The following IL6ST variants were observed in gnomAD, a reference collection of about 807,000 sequenced individuals.
The protein encoded by IL6ST is interleukin 6 cytokine family signal transducer, also known as interleukin-6 receptor subunit beta.
Under a neutral mutation model 91.3 loss-of-function variants are expected in IL6ST, and 24 were observed. That is an observed-to-expected ratio of 0.26 (90% CI 0.19 to 0.37). The LOEUF is 0.37. Among genes scored for constraint, IL6ST ranks in the 10% least tolerant of loss-of-function variants. The pLI, the probability that IL6ST is intolerant of heterozygous loss-of-function variation, is 1.00. For synonymous variants in IL6ST, 351 were observed against 373.6 expected (o/e 0.94, Z 0.70); for missense variants, 914 against 1,078.5 (o/e 0.85, Z 2.14).
Position 55,952,004 on chromosome 5 carries a change from G to T in IL6ST, c.1624C>A (p.Leu542Ile), listed in dbSNP as rs1751663366. 1 of 1,599,178 alleles carries T rather than the reference G, an allele frequency of 6.3e-7. No homozygotes were observed. The highest frequency in any genetic ancestry group is 8.6e-7 in the Non-Finnish European group (1 of 1,166,646). The change falls in exon 13 of 17, where the codon CTT becomes ATT. Residue 542 changes from leucine (L) to isoleucine (I), a missense_variant. By Grantham distance (5) the Leu-to-Ile change is conservative. Transcript: ENST00000381298. ...AATCCATTCTGAACATCAACAGGAA[G>T]TTGGTCCCACTCTAAGACAGCTTCG... ...KNEAVLEWDQLPVDVQNGFIR... is the reference protein window; with the variant it reads ...KNEAVLEWDQIPVDVQNGFIR...
chr5:55,963,524 T>C lies in IL6ST; in HGVS notation c.659-18A>G, dbSNP rs1752459286. On this transcript the variant is annotated intron_variant, in intron 6 of 16. Coordinates refer to ENST00000381298, the MANE Select transcript of IL6ST (RefSeq NM_002184.4). ...GGGCTTCACTGAAAAATAAAATAAA[T>C]CCTAAGGTTTATTATGTTTTCCAAT... 6.3e-7 allele frequency: 1 copy of C among 1,578,534 alleles called. No homozygotes were observed. Among genetic ancestry groups the C allele is most frequent in the Non-Finnish European group, 8.7e-7 (1 of 1,155,424 alleles).
At position 55,940,614 on chromosome 5, in the gene IL6ST, TTTAAG is replaced by T. The variant is rs1439599825; in HGVS notation, c.*463_*467del. ...TGTAGTTATGGCCTATGGACCTCTT[TTTAAG>T]TTATTTTAGCAGAAGTAGATGATGG... On this transcript the variant is annotated 3_prime_UTR_variant, in exon 17 of 17. Coordinates refer to ENST00000381298, the MANE Select transcript of IL6ST (RefSeq NM_002184.4). The T allele has an allele frequency of 1.4e-5, 3 of 216,336 alleles. No homozygotes were observed. Among genetic ancestry groups the T allele is most frequent in the Non-Finnish European group, 2.8e-5 (3 of 107,484 alleles). 13.4% of individuals were successfully genotyped at this position (216,336 alleles called of 1,614,324 possible). A position where few individuals can be genotyped will look rare whatever the true frequency, so the allele number is the denominator to read the frequency against.
In IL6ST at chr5:55,951,607, G is replaced by A; in HGVS notation, c.1700-3C>T. On this transcript the variant is annotated splice_polypyrimidine_tract_variant and splice_region_variant and intron_variant, in intron 13 of 16. Transcript: ENST00000381298. ...GTGGGAAGAATCCACATTCACAGCT[G>A]GAAGAAATAAGAACTGTGCTTCATT... 1 of 1,607,876 alleles carries A rather than the reference G, an allele frequency of 6.2e-7. No individual in the cohort carries two copies. The highest frequency in any genetic ancestry group is 8.5e-7 in the Non-Finnish European group (1 of 1,178,158).
Position 55,941,247 on chromosome 5 carries a change from T to C in IL6ST, c.2592A>G (p.Gln864=), listed in dbSNP as rs1426699506. The change falls in exon 17 of 17, where the codon CAA becomes CAG. Residue 864 remains glutamine (Q), a synonymous_variant. Transcript: ENST00000381298. The part of the protein sequence containing the change: ...DHISQSCGSG[Q]MKMFQEVSAA... ...CAGAAACTTCCTGAAACATTTTCAT[T>C]TGCCCAGATCCACAGGATTGTGAAA... The C allele has an allele frequency of 6.2e-7, 1 of 1,614,070 alleles. No individual in the cohort carries two copies. The highest frequency in any genetic ancestry group is 8.5e-7 in the Non-Finnish European group (1 of 1,180,010).
intron 1 of IL6ST, among the ~76,000 whole-genome samples, chr5:55,989,854 A>G (rs1754210414): frequency 6.6e-6 from 1 of 152,126 alleles, no homozygotes; most frequent in Non-Finnish European, 1.5e-5. Context: ...CTTTGACTCT[A>G]ATTGTCAAGT....
At chr5:55,992,196 T>C (rs1754372368) in intron 1 of IL6ST, among the ~76,000 whole-genome samples, 1 of 152,252 alleles carries the variant, frequency 6.6e-6, no homozygotes, top group Admixed American at 6.5e-5. Flanking sequence ...CACTGCACAG[T>C]AATTGTTTCA....
rs1752842322 is a variant in IL6ST, at chr5:55,969,627, T to C, written c.293A>G (p.Asn98Ser). 3 of 1,612,168 alleles carry C rather than the reference T, an allele frequency of 1.9e-6. No homozygotes were observed. Among genetic ancestry groups the C allele is most frequent in the South Asian group, 1.1e-5 (1 of 91,042 alleles). Residue 98 changes from asparagine (N) to serine (S), a missense_variant, in exon 4 of 17, where the codon AAT (asparagine) becomes AGT (serine). By Grantham distance (46) the Asn-to-Ser change is conservative. Transcript: ENST00000381298. ...SVTFTDIASL[N>S]IQLTCNILTF... ...AAGAATGTTGCAAGTGAGCTGAATA[T>C]TTAATGAAGCTATATCTGTAAAGGT...
chr5:55,986,335 C>A (rs1274592256), intron 1 of IL6ST, among the ~76,000 whole-genome samples: 1 of 152,194 alleles, frequency 6.6e-6, no homozygotes, highest in Non-Finnish European at 1.5e-5. Flanking sequence ...AGGAAATGCC[C>A]TTCTTTACCA....
chr5:55,953,491 G>C (rs1305743112), intron 11 of IL6ST, among the ~76,000 whole-genome samples: 1 of 152,178 alleles, frequency 6.6e-6, no homozygotes, highest in Non-Finnish European at 1.5e-5. Context: ...CCGGGTTCAA[G>C]AGATTCTCCA....
At chr5:55,941,875 T>A (rs1012787180) in intron 16 of IL6ST, 56 bp from the exon 17 acceptor site, 6 of 1,459,012 alleles carry the variant, frequency 4.1e-6, no homozygotes, top group South Asian at 1.3e-5. Flanking sequence ...ACAGAGCTAA[T>A]GCATCTCTGA....
At chr5:55,964,386 A>AG (rs1752518353) in intron 5 of IL6ST, 74 bp from the exon 6 acceptor site, 13 of 1,074,530 alleles carry the variant, frequency 1.2e-5, no homozygotes, top group Non-Finnish European at 8.3e-6. Context: ...AATTACTTGC[A>AG]AAGAGTTTGA....
intron 3 of IL6ST, among the ~76,000 whole-genome samples, chr5:55,975,659 T>C (rs1753246203): frequency 6.6e-6 from 1 of 152,154 alleles, no homozygotes; most frequent in South Asian, 2.1e-4. Context: ...TGAGCCACCA[T>C]GTCCAGCCAG....
chr5:55,950,295 G>C (rs1171391292), intron 14 of IL6ST: 14 of 425,100 alleles, frequency 3.3e-5, no homozygotes, highest in South Asian at 2.3e-4. Context: ...CCAGCACTTT[G>C]GGAGGCCGAG....
intron 14 of IL6ST, among the ~76,000 whole-genome samples, chr5:55,950,535 CAAAA>C (rs70995750): frequency 7.8e-4 from 23 of 29,366 alleles, no homozygotes; most frequent in Admixed American, 1.9e-3. Context: ...GACTCTGTCT[CAAAA>C]AAAAAAAAAA....
rs531676969 is a variant in IL6ST at position 55,980,115 on chromosome 5, T to C, written c.-16+2609A>G. ...TATATGCACAGTATCTCTAGGAGGA[T>C]AAAAGTTCAAATACTGGCTGTGACA... On this transcript the variant is annotated intron_variant, in intron 2 of 16. Coordinates refer to ENST00000381298, the MANE Select transcript of IL6ST (RefSeq NM_002184.4). Among the ~76,000 whole-genome samples the C allele has an allele frequency of 5.9e-5, 9 of 152,286 alleles. No individual in the cohort carries two copies. The South Asian group carries it at 8.3e-4, about 14-fold the overall frequency.
At position 55,994,922 on chromosome 5, in the gene IL6ST, C is replaced by A. The variant is rs999101055; in HGVS notation, c.-242G>T. ...GGGCGGCCCAGCGCGACTCCGCGGG[C>A]CTTTTGGCTGCTCGCCCCGGCTCCG... On this transcript the variant is annotated 5_prime_UTR_variant, in exon 1 of 17. Transcript: ENST00000381298. The A allele has an allele frequency of 6.6e-6, 1 of 152,248 alleles. No individual in the cohort carries two copies. Among genetic ancestry groups the A allele is most frequent in the Non-Finnish European group, 1.5e-5 (1 of 68,100 alleles). The allele number at this position is 152,248 out of a possible 1,614,324, so 9.4% of individuals were successfully genotyped here.
At chr5:55,974,571 G>A (rs1456667059) in intron 3 of IL6ST, among the ~76,000 whole-genome samples, 3 of 151,730 alleles carry the variant, frequency 2.0e-5, no homozygotes, top group Non-Finnish European at 4.4e-5. Flanking sequence ...TGCAACCTCC[G>A]CCTCCCAGGC....
chr5:55,956,483 A>G (rs1751982242), intron 9 of IL6ST, among the ~76,000 whole-genome samples: 1 of 152,216 alleles, frequency 6.6e-6, no homozygotes, highest in African/African-American at 2.4e-5. Context: ...TTCTGTATCA[A>G]TTCTGCACTG....
At chr5:55,952,992 C>T (rs772477669) in intron 11 of IL6ST, among the ~76,000 whole-genome samples, 7 of 151,964 alleles carry the variant, frequency 4.6e-5, no homozygotes, top group Non-Finnish European at 1.0e-4. Context: ...ACCCAGGAGG[C>T]GGAGCTTGCA....
Sources: allele counts gnomAD v4.1 joint callset (sites outside exome capture counted in the v4.1 genomes callset), GRCh38; gene constraint gnomAD v4.1.1; transcripts MANE v1.5; gene names NCBI Gene and HGNC (gene_info 2026-07-23, HGNC 2026-07-21).